LONP2: variants seen among roughly 807,000 people sequenced by gnomAD.
The protein encoded by LONP2 is lon peptidase 2, peroxisomal.
LONP2 carries 60 observed loss-of-function variants against 85.6 expected under a neutral mutation model. The ratio of observed to expected loss-of-function variants is 0.70; its 90% CI spans 0.57 to 0.87. The LOEUF is 0.87. Ranked by LOEUF, LONP2 falls within the 40% of genes least tolerant of loss-of-function variation. The probability of loss-of-function intolerance (pLI) is 0.00; values close to 1 mark genes in which losing one functional copy is unlikely to be tolerated. For synonymous variants in LONP2, 395 were observed against 389.7 expected, an observed-to-expected ratio of 1.01 and a Z score of -0.16; for missense variants, 860 against 1,063.5, an observed-to-expected ratio of 0.81 and a Z score of 2.66.
intron 8 of LONP2, among the ~76,000 whole-genome samples, chr16:48,281,124 G>A (rs2077841687): frequency 6.6e-6 from 1 of 152,042 alleles, no homozygotes; most frequent in Non-Finnish European, 1.5e-5. Context: ...TTATGTTTAA[G>A]CTAATTATAT....
downstream of LONP2, among the ~76,000 whole-genome samples, chr16:48,360,151 C>T (rs998359272): frequency 1.2e-4 from 18 of 152,368 alleles, no homozygotes; most frequent in African/African-American, 4.3e-4. Context: ...CCCAAGGTCA[C>T]ACAGCTGGTT....
intron 11 of LONP2, among the ~76,000 whole-genome samples, chr16:48,329,340 T>C (rs1182756137): frequency 6.6e-6 from 1 of 152,164 alleles, no homozygotes; most frequent in Non-Finnish European, 1.5e-5. Flanking sequence ...ACAGGAAGCC[T>C]CTCTTTGTCC....
At chr16:48,259,134 TA>T (rs1394980140) in intron 4 of LONP2, among the ~76,000 whole-genome samples, 17 of 152,246 alleles carry the variant, frequency 1.1e-4, no homozygotes, top group Non-Finnish European at 1.9e-4. Context: ...GTTTTCAACT[TA>T]TAATAAGTTT....
chr16:48,303,281 C>G lies in LONP2; in HGVS notation c.1771C>G (p.Arg591Gly). ...ACAGCATAAGGAAGCCAAGTTGGACCGTTCTGATGTGACTGAGAGAGAAGG... is the reference window on the plus strand; with the variant it reads ...ACAGCATAAGGAAGCCAAGTTGGACGGTTCTGATGTGACTGAGAGAGAAGG... ...EGQHKEAKLDRSDVTEREGCR... is the reference protein window; with the variant it reads ...EGQHKEAKLDGSDVTEREGCR... The change falls in exon 11 of 15, where the codon CGT (arginine) becomes GGT (glycine). Residue 591 changes from arginine to glycine, a missense_variant. This residue lies in a region of LONP2 where 743 missense variants were observed against 917.3 expected (regional missense o/e 0.81). Transcript: ENST00000285737. The G allele has an allele frequency of 6.2e-7, 1 of 1,613,942 alleles. No individual in the cohort carries two copies. Among genetic ancestry groups the G allele is most frequent in the South Asian group, 1.1e-5 (1 of 91,066 alleles).
chr16:48,322,444 T>C (rs72802172), intron 11 of LONP2, among the ~76,000 whole-genome samples: 86 of 152,336 alleles, frequency 5.6e-4, no homozygotes, highest in South Asian at 2.3e-3. Context: ...TTCCACATCT[T>C]GGCCCACTGG....
chr16:48,271,156 G>A (rs1004061360), intron 7 of LONP2, among the ~76,000 whole-genome samples: 1 of 151,988 alleles, frequency 6.6e-6, no homozygotes, highest in Non-Finnish European at 1.5e-5. Context: ...ACGCCAGCCT[G>A]GAGACAGAGA....
chr16:48,340,048 G>A (rs1277771615), intron 12 of LONP2, among the ~76,000 whole-genome samples: 1 of 152,206 alleles, frequency 6.6e-6, no homozygotes, highest in Admixed American at 6.5e-5. Context: ...GACACCCAGG[G>A]TGATAGCAGG....
chr16:48,324,028 A>G (rs1028306557), intron 11 of LONP2, among the ~76,000 whole-genome samples: 1 of 152,226 alleles, frequency 6.6e-6, no homozygotes, highest in Non-Finnish European at 1.5e-5. Flanking sequence ...TTGTTTTGGA[A>G]AAGATTAACC....
In LONP2 at chr16:48,356,512, T is replaced by TAAAAAAAAAAA. The variant is rs535516550; in HGVS notation, c.*4721_*4731dup. The stretch of plus-strand genomic sequence containing the variant: ...TGCCATGAAAATTGTATCCAGCAGC[T>TAAAAAAAAAAA]AAAAAAAAAAAAAAAAAAAAAGACT... On this transcript the variant is annotated 3_prime_UTR_variant, in exon 15 of 15. Coordinates refer to ENST00000285737, the MANE Select transcript of LONP2 (RefSeq NM_031490.5). The TAAAAAAAAAAA allele has an allele frequency of 2.4e-5, 2 of 82,058 alleles. No individual in the cohort carries two copies. The highest frequency in any genetic ancestry group is 5.3e-5 in the Non-Finnish European group (2 of 37,912). 5.1% of individuals were successfully genotyped at this position (82,058 alleles called of 1,614,324 possible).
chr16:48,275,733 A>G (rs1972194575), intron 7 of LONP2, among the ~76,000 whole-genome samples: 1 of 152,178 alleles, frequency 6.6e-6, no homozygotes, highest in African/African-American at 2.4e-5. Context: ...AGTTGGGAAG[A>G]TGAATGGGAG....
chr16:48,298,598 C>A (rs1972725409), intron 9 of LONP2, among the ~76,000 whole-genome samples: 3 of 148,162 alleles, frequency 2.0e-5, no homozygotes, highest in African/African-American at 7.5e-5. Flanking sequence ...AGAGCCCTTC[C>A]CTTGGAACCC....
intron 12 of LONP2, chr16:48,334,603 G>T: frequency 1.5e-6 from 1 of 649,560 alleles, no homozygotes; most frequent in South Asian, 1.6e-5. Flanking sequence ...TCTGGGCAAG[G>T]TGGCAGAGGG....
chr16:48,257,203 C>T (rs956809983), intron 3 of LONP2, among the ~76,000 whole-genome samples: 9 of 151,928 alleles, frequency 5.9e-5, no homozygotes, highest in African/African-American at 1.7e-4. Flanking sequence ...CCCAGCTACT[C>T]GAGAGGCTGA....
intron 6 of LONP2, among the ~76,000 whole-genome samples, chr16:48,266,063 G>A (rs143452450): frequency 0.017 from 2,521 of 152,126 alleles, 72 homozygotes; most frequent in African/African-American, 0.057. Context: ...GAGTGCAGTG[G>A]CATGATCTTG....
At chr16:48,330,439 A>G (rs749913668) in intron 11 of LONP2, among the ~76,000 whole-genome samples, 18 of 152,224 alleles carry the variant, frequency 1.2e-4, no homozygotes, top group Non-Finnish European at 2.6e-4. Context: ...GGATGATGCC[A>G]CTGTCTTCTC....
At chr16:48,334,574 ATCT>A (rs1365259685) in intron 12 of LONP2, 3 of 680,670 alleles carry the variant, frequency 4.4e-6, no homozygotes, top group African/African-American at 3.5e-5. Context: ...GTGGCACATC[ATCT>A]TCTTGCAGTT....
chr16:48,334,429 T>C (rs1959575490), intron 12 of LONP2, 71 bp downstream of exon 12: 3 of 1,570,370 alleles, frequency 1.9e-6, no homozygotes, highest in Non-Finnish European at 2.6e-6. Flanking sequence ...CCCAGGGCCG[T>C]AGGGCCTGGG....
chr16:48,246,758 A>G (rs1354772911), intron 1 of LONP2, among the ~76,000 whole-genome samples: 1 of 152,026 alleles, frequency 6.6e-6, no homozygotes, highest in Non-Finnish European at 1.5e-5. Flanking sequence ...AATTTTTTGT[A>G]GAAATGGGGT....
chr16:48,332,743 C>T (rs958055053), intron 11 of LONP2, among the ~76,000 whole-genome samples: 2 of 149,766 alleles, frequency 1.3e-5, no homozygotes, highest in African/African-American at 4.9e-5. Flanking sequence ...TATACACATA[C>T]ACACACACAC....
Sources: allele counts gnomAD v4.1 joint callset (sites outside exome capture counted in the v4.1 genomes callset), GRCh38; gene constraint gnomAD v4.1.1; regional missense constraint gnomAD v4.1.1; transcripts MANE v1.5; gene names NCBI Gene and HGNC (gene_info 2026-07-23, HGNC 2026-07-21).